CUBN: variants seen among roughly 807,000 people sequenced by gnomAD.
The protein encoded by CUBN is 460 kDa receptor.
A neutral mutation model predicts 405.3 loss-of-function variants in CUBN; 282 were observed. The ratio of observed to expected loss-of-function variants is 0.70; its 90% CI spans 0.63 to 0.77. CUBN has a LOEUF of 0.77. Among genes scored for constraint, CUBN ranks in the 30% least tolerant of loss-of-function variants. The pLI is 0.00. For synonymous variants in CUBN, 1,684 were observed against 1,617.0 expected (o/e 1.04, Z -0.99); for missense variants, 4,514 against 4,475.2 (o/e 1.01, Z -0.25).
chr10:16,853,295 CA>C (rs1449197706), intron 59 of CUBN, among the ~76,000 whole-genome samples: 1 of 152,202 alleles, frequency 6.6e-6, no homozygotes, highest in African/African-American at 2.4e-5. Flanking sequence ...TTGTATTCTA[CA>C]CAAATATAGG....
At chr10:17,051,737 T>A (rs1024489277) in intron 22 of CUBN, among the ~76,000 whole-genome samples, 23 of 151,812 alleles carry the variant, frequency 1.5e-4, no homozygotes, top group Admixed American at 5.9e-4. Flanking sequence ...TTAATAGACA[T>A]AATTTAATCT....
intron 17 of CUBN, among the ~76,000 whole-genome samples, chr10:17,079,875 G>A (rs936944046): frequency 7.9e-5 from 12 of 152,144 alleles, no homozygotes; most frequent in African/African-American, 2.9e-4. Flanking sequence ...GAGGTCCTTT[G>A]TGAATTTGCA....
chr10:16,972,659 C>T (rs150949919), intron 31 of CUBN, among the ~76,000 whole-genome samples: 146 of 152,062 alleles, frequency 9.6e-4, no homozygotes, highest in African/African-American at 3.4e-3. Flanking sequence ...CTCCTGAGCT[C>T]AAACAATTCT....
rs1175660552 is a variant in CUBN, at chr10:16,965,278, C to T, written c.4696-10730G>A. Among the ~76,000 whole-genome samples the T allele has an allele frequency of 5.3e-5, 8 of 152,310 alleles. No homozygotes were observed. The East Asian group carries it at 1.4e-3, about 26-fold the overall frequency. On this transcript the variant is annotated intron_variant, in intron 31 of 66. Coordinates refer to ENST00000377833, the MANE Select transcript of CUBN (RefSeq NM_001081.4). ...AGTCTCAAAACAACTCAGTGCACAG[C>T]GTGCGCTTTCTAAAATGTAACATCA... is the stretch of plus-strand genomic sequence containing the variant.
chr10:17,015,126 C>G (rs1028985495), intron 28 of CUBN, among the ~76,000 whole-genome samples: 1 of 152,194 alleles, frequency 6.6e-6, no homozygotes, highest in Admixed American at 6.5e-5. Flanking sequence ...CTTACTAAGC[C>G]TTGAGCTTTT....
rs1436267550 is a variant in CUBN at position 16,901,785 on chromosome 10, G to A, written c.8063-326C>T. Among the ~76,000 whole-genome samples, 3 of 150,302 alleles carry A rather than the reference G, an allele frequency of 2.0e-5. No individual in the cohort carries two copies. The East Asian group carries it at 5.9e-4, about 29-fold the overall frequency. ...AGGAGAATCGCTTGAATCAGAAGGT[G>A]GAGGCTGTAGTGAACCGAGGTCATG... On this transcript the variant is annotated intron_variant, in intron 51 of 66. Coordinates refer to ENST00000377833, the MANE Select transcript of CUBN (RefSeq NM_001081.4).
rs1371114573 is a variant in CUBN at position 17,084,261 on chromosome 10, T to C, written c.2301+10A>G. The C allele has an allele frequency of 1.2e-6, 2 of 1,613,134 alleles. No homozygotes were observed. The highest frequency in any genetic ancestry group is 1.7e-4 in the Middle Eastern group (1 of 5,730). ...ATGTCATCTAAGGGCGATTGAGTAG[T>C]GAAAGTTACCTCAATGTAATTCTGA... On this transcript the variant is annotated intron_variant, in intron 17 of 66. Coordinates refer to ENST00000377833, the MANE Select transcript of CUBN (RefSeq NM_001081.4).
intron 28 of CUBN, among the ~76,000 whole-genome samples, chr10:17,009,360 G>A (rs1834114864): frequency 6.6e-6 from 1 of 152,178 alleles, no homozygotes; most frequent in South Asian, 2.1e-4. Flanking sequence ...TCTCCCAAAG[G>A]AAGACAGATT....
intron 22 of CUBN, among the ~76,000 whole-genome samples, chr10:17,063,931 A>G (rs940000136): frequency 2.0e-5 from 3 of 152,256 alleles, no homozygotes; most frequent in African/African-American, 7.2e-5. Context: ...GACTTGCTCC[A>G]AATCCTGATC....
intron 7 of CUBN, 124 bp downstream of exon 7, chr10:17,115,347 A>C: frequency 8.3e-7 from 1 of 1,202,312 alleles, no homozygotes. Context: ...TGTCCTACTT[A>C]CAGACAGGAA....
chr10:16,978,337 T>A (rs1275892079), intron 31 of CUBN, among the ~76,000 whole-genome samples: 4 of 152,190 alleles, frequency 2.6e-5, no homozygotes, highest in African/African-American at 9.6e-5. Flanking sequence ...AACTTCACAC[T>A]ACCTCATGAA....
At chr10:17,032,996 G>C (rs1834817891) in intron 27 of CUBN, among the ~76,000 whole-genome samples, 1 of 152,158 alleles carries the variant, frequency 6.6e-6, no homozygotes, top group South Asian at 2.1e-4. Flanking sequence ...AAGACCTGGA[G>C]TTCTCTCTCC....
intron 43 of CUBN, among the ~76,000 whole-genome samples, chr10:16,923,139 T>C (rs925319235): frequency 1.3e-5 from 2 of 151,966 alleles, no homozygotes; most frequent in Non-Finnish European, 2.9e-5. Context: ...TGCCCAGCCT[T>C]ATATCATGTT....
rs780537200 is a variant in CUBN, at chr10:16,835,118, C to G, written c.10258G>C (p.Asp3420His). 2 of 1,614,106 alleles carry G rather than the reference C, an allele frequency of 1.2e-6. No homozygotes were observed. Among genetic ancestry groups the G allele is most frequent in the Non-Finnish European group, 1.7e-6 (2 of 1,179,998 alleles). The change falls in exon 64 of 67, where the codon GAT (aspartate) becomes CAT (histidine). Residue 3420 changes from aspartate to histidine, a missense_variant. By Grantham distance (81) the Asp-to-His change is moderately conservative. Coordinates refer to ENST00000377833, the MANE Select transcript of CUBN (RefSeq NM_001081.4). ...GWPDNYDNDK[D>H]CTVTLTAPQN... ...GGGGCTGTGAGAGTAACGGTGCAAT[C>G]CTTGTCATTGTCGTAGTTATCTGGC...
chr10:16,971,774 C>T (rs1204859282), intron 31 of CUBN, among the ~76,000 whole-genome samples: 2 of 149,420 alleles, frequency 1.3e-5, no homozygotes, highest in Non-Finnish European at 2.9e-5. Context: ...TCTTTTTCCA[C>T]CTGCCCTCTT....
At chr10:17,031,259 GCTCT>G (rs1054900954) in intron 27 of CUBN, among the ~76,000 whole-genome samples, 13 of 152,130 alleles carry the variant, frequency 8.5e-5, no homozygotes, top group East Asian at 3.9e-4. Context: ...AGAATTGAAG[GCTCT>G]CTATTTGTGA....
At chr10:17,107,488 G>A (rs1332179014) in intron 10 of CUBN, among the ~76,000 whole-genome samples, 1 of 138,618 alleles carries the variant, frequency 7.2e-6, no homozygotes, top group Non-Finnish European at 1.5e-5. Flanking sequence ...GACAATATAA[G>A]TTGTTCTTTT....
intron 54 of CUBN, 49 bp from the exon 55 acceptor site, chr10:16,890,576 T>C (rs754652900): frequency 2.5e-6 from 4 of 1,598,878 alleles, no homozygotes; most frequent in Non-Finnish European, 3.4e-6. Context: ...TTCCCATCAA[T>C]ATTTTAATGC....
chr10:16,994,281 AAAAG>A (rs1833670526), intron 28 of CUBN, among the ~76,000 whole-genome samples: 1 of 152,234 alleles, frequency 6.6e-6, no homozygotes, highest in South Asian at 2.1e-4. Flanking sequence ...TCTCTTGAAA[AAAAG>A]AAAGACATTT....
Sources: allele counts gnomAD v4.1 joint callset (sites outside exome capture counted in the v4.1 genomes callset), GRCh38; gene constraint gnomAD v4.1.1; transcripts MANE v1.5; gene names NCBI Gene and HGNC (gene_info 2026-07-23, HGNC 2026-07-21).